Variants in THSD7B observed in about 807,000 individuals in gnomAD.
THSD7B encodes thrombospondin type 1 domain containing 7B.
A neutral mutation model predicts 213.6 loss-of-function variants in THSD7B; 138 were observed. That is an observed-to-expected ratio of 0.65 (90% CI 0.56 to 0.74). THSD7B has a LOEUF of 0.74. Ranked by LOEUF, THSD7B falls within the 30% of genes least tolerant of loss-of-function variation. THSD7B has a pLI of 0.00. For missense variants in THSD7B, 1,931 were observed against 1,991.5 expected (o/e 0.97, Z 0.58); for synonymous variants, 742 against 687.0 (o/e 1.08, Z -1.25).
chr2:136,963,330 A>G (rs1462525357), intron 2 of THSD7B, among the ~76,000 whole-genome samples: 1 of 152,176 alleles, frequency 6.6e-6, no homozygotes, highest in Non-Finnish European at 1.5e-5. Context: ...GAAATGAAAA[A>G]GAATATAGGC....
chr2:137,036,885 C>A (rs955554199), intron 2 of THSD7B, among the ~76,000 whole-genome samples: 2 of 152,134 alleles, frequency 1.3e-5, no homozygotes, highest in African/African-American at 4.8e-5. Flanking sequence ...CACATCAAGA[C>A]CATTTGGTAT....
At chr2:136,850,215 T>A (rs1439670467) in intron 1 of THSD7B, among the ~76,000 whole-genome samples, 1 of 150,996 alleles carries the variant, frequency 6.6e-6, no homozygotes, top group Non-Finnish European at 1.5e-5. Flanking sequence ...AATGTTAGTT[T>A]ATCAATTTTT....
intron 1 of THSD7B, among the ~76,000 whole-genome samples, chr2:136,854,661 G>A (rs1328969369): frequency 6.6e-6 from 1 of 151,230 alleles, no homozygotes; most frequent in Non-Finnish European, 1.5e-5. Context: ...GTTGGGAACG[G>A]AAAGTGTGAA....
At chr2:137,405,210 A>AG (rs1234295651) in intron 12 of THSD7B, among the ~76,000 whole-genome samples, 2 of 151,080 alleles carry the variant, frequency 1.3e-5, no homozygotes, top group African/African-American at 2.4e-5. Context: ...AAAAAAAAAA[A>AG]AAAATGACAT....
intron 2 of THSD7B, among the ~76,000 whole-genome samples, chr2:136,890,303 C>CCTCTTCTTCTTCTTCTTCTTCTTCTT (rs1553455794): frequency 1.9e-4 from 1 of 5,162 alleles, no homozygotes; most frequent in African/African-American, 5.7e-4. Flanking sequence ...ATGTCCTACT[C>CCTCTTCTTCTTCTTCTTCTTCTTCTT]CTTCTTCTTC....
At chr2:137,207,123 A>C (rs1319200609) in intron 7 of THSD7B, among the ~76,000 whole-genome samples, 1 of 152,002 alleles carries the variant, frequency 6.6e-6, no homozygotes, top group Non-Finnish European at 1.5e-5. Flanking sequence ...CAAGATGTAA[A>C]AGTGAAGAGA....
chr2:137,524,890 T>G (rs1252286227), intron 15 of THSD7B, among the ~76,000 whole-genome samples: 3 of 152,176 alleles, frequency 2.0e-5, no homozygotes, highest in Non-Finnish European at 2.9e-5. Flanking sequence ...GCTGTAGAAT[T>G]TGTATCCACT....
intron 10 of THSD7B, among the ~76,000 whole-genome samples, chr2:137,256,819 G>A (rs969732497): frequency 2.0e-5 from 3 of 152,182 alleles, no homozygotes; most frequent in Admixed American, 6.5e-5. Flanking sequence ...TAGAAAAGGG[G>A]AATTGAAGTT....
At chr2:137,055,173 G>T (rs1042574505) in intron 2 of THSD7B, among the ~76,000 whole-genome samples, 4 of 152,064 alleles carry the variant, frequency 2.6e-5, no homozygotes, top group African/African-American at 9.7e-5. Context: ...TCTTTATCCG[G>T]TCTATAATTG....
intron 1 of THSD7B, among the ~76,000 whole-genome samples, chr2:136,798,295 G>A (rs570152031): frequency 6.6e-6 from 1 of 151,966 alleles, no homozygotes; most frequent in South Asian, 2.1e-4. Context: ...TGATAGACTA[G>A]GGTTGACTGG....
At chr2:137,259,683 G>A (rs1682395275) in intron 10 of THSD7B, among the ~76,000 whole-genome samples, 1 of 151,934 alleles carries the variant, frequency 6.6e-6, no homozygotes, top group Non-Finnish European at 1.5e-5. Context: ...AGTATTTTTT[G>A]CACGGTATTT....
At chr2:136,888,355 A>G (rs907331531) in intron 2 of THSD7B, among the ~76,000 whole-genome samples, 2 of 152,126 alleles carry the variant, frequency 1.3e-5, no homozygotes, top group African/African-American at 4.8e-5. Context: ...AGTATCTTAC[A>G]TATATTAATA....
At chr2:136,908,508 A>G (rs1684205422) in intron 2 of THSD7B, among the ~76,000 whole-genome samples, 2 of 152,214 alleles carry the variant, frequency 1.3e-5, no homozygotes, top group African/African-American at 4.8e-5. Context: ...CTGAGTTTCC[A>G]CCTGGGATTT....
At chr2:137,223,064 C>A (rs569144544) in intron 7 of THSD7B, among the ~76,000 whole-genome samples, 2 of 152,178 alleles carry the variant, frequency 1.3e-5, no homozygotes, top group Non-Finnish European at 2.9e-5. Context: ...GAGCTAGCTG[C>A]TACCCACCCT....
chr2:137,390,944 AT>A (rs1686010294), intron 12 of THSD7B, among the ~76,000 whole-genome samples: 1 of 151,658 alleles, frequency 6.6e-6, no homozygotes, highest in Non-Finnish European at 1.5e-5. Flanking sequence ...TTTGATGAGG[AT>A]TTTTGCATCT....
chr2:136,802,323 A>G (rs1558809942), intron 1 of THSD7B, among the ~76,000 whole-genome samples: 2 of 151,908 alleles, frequency 1.3e-5, no homozygotes, highest in African/African-American at 2.4e-5. Context: ...TTCCAAATAT[A>G]TTTTTGCAAT....
intron 5 of THSD7B, among the ~76,000 whole-genome samples, chr2:137,129,281 T>G (rs951955359): frequency 6.6e-6 from 1 of 152,154 alleles, no homozygotes; most frequent in Non-Finnish European, 1.5e-5. Flanking sequence ...TTTCTCTAGA[T>G]TTCTTTTTTC....
At chr2:137,454,517 T>G (rs973617347) in intron 15 of THSD7B, among the ~76,000 whole-genome samples, 8 of 152,044 alleles carry the variant, frequency 5.3e-5, no homozygotes, top group Admixed American at 4.6e-4. Flanking sequence ...AAGATCTCTG[T>G]GGTGACTTCA....
chr2:137,292,519 A>T (rs933435329), intron 12 of THSD7B, among the ~76,000 whole-genome samples: 6 of 152,168 alleles, frequency 3.9e-5, no homozygotes, highest in Non-Finnish European at 8.8e-5. Flanking sequence ...ATATTTCACA[A>T]AAAGAGCTGT....
Sources: allele counts gnomAD v4.1 joint callset (sites outside exome capture counted in the v4.1 genomes callset), GRCh38; gene constraint gnomAD v4.1.1; transcripts MANE v1.5; gene names NCBI Gene and HGNC (gene_info 2026-07-23, HGNC 2026-07-21).